PPP1R14C: variants seen among roughly 807,000 people sequenced by gnomAD.
The protein encoded by PPP1R14C is protein phosphatase 1 regulatory inhibitor subunit 14C.
In PPP1R14C, 16 loss-of-function variants were observed where a neutral mutation model predicts 20.4. That is an observed-to-expected ratio of 0.78 (90% CI 0.53 to 1.19). PPP1R14C has a LOEUF of 1.19. Among genes scored for constraint, PPP1R14C ranks in the 50% most tolerant of loss-of-function variants. The pLI, the probability that PPP1R14C is intolerant of heterozygous loss-of-function variation, is 0.00. For missense variants in PPP1R14C, 211 were observed against 220.1 expected (o/e 0.96, Z 0.26); for synonymous variants, 91 against 91.0 (o/e 1.00, Z 0.00).
Position 150,191,519 on chromosome 6 carries a change from G to A in PPP1R14C, c.307-23225G>A, listed in dbSNP as rs145597608. On this transcript the variant is annotated intron_variant, in intron 1 of 3. Coordinates refer to ENST00000361131, the MANE Select transcript of PPP1R14C (RefSeq NM_030949.3). Reference sequence around the variant, plus strand: ...TGTGTGTATGTCTCTCAGAGCATCCGCAGCAGTGTGACAGAGGGCAAGGAC... The same window carrying A: ...TGTGTGTATGTCTCTCAGAGCATCCACAGCAGTGTGACAGAGGGCAAGGAC... Among the ~76,000 whole-genome samples the A allele has an allele frequency of 5.5e-3, 831 of 152,318 alleles. 5 individuals carry two copies. Among genetic ancestry groups the A allele is most frequent in the African/African-American group, 0.018 (734 of 41,562 alleles).
At chr6:150,233,958 G>A (rs182675282) in intron 3 of PPP1R14C, among the ~76,000 whole-genome samples, 7 of 152,262 alleles carry the variant, frequency 4.6e-5, no homozygotes, top group African/African-American at 1.7e-4. Flanking sequence ...GGCAGTTCAC[G>A]TAACACACAC....
intron 3 of PPP1R14C, among the ~76,000 whole-genome samples, chr6:150,223,364 C>A (rs1221799827): frequency 6.6e-6 from 1 of 152,034 alleles, no homozygotes; most frequent in Non-Finnish European, 1.5e-5. Context: ...GGGTAAATAC[C>A]AAGGAGTAGG....
chr6:150,203,606 G>A (rs1322486764), intron 1 of PPP1R14C, among the ~76,000 whole-genome samples: 3 of 152,188 alleles, frequency 2.0e-5, no homozygotes, highest in South Asian at 2.1e-4. Context: ...TCTGGATTTC[G>A]TGTTCTGTGT....
At chr6:150,197,370 C>T (rs1777817904) in intron 1 of PPP1R14C, among the ~76,000 whole-genome samples, 2 of 152,236 alleles carry the variant, frequency 1.3e-5, no homozygotes, top group Admixed American at 6.5e-5. Flanking sequence ...TTACCCACCG[C>T]AGTCACTCCC....
chr6:150,158,078 A>G (rs1165345298), intron 1 of PPP1R14C, among the ~76,000 whole-genome samples: 1 of 152,226 alleles, frequency 6.6e-6, no homozygotes, highest in African/African-American at 2.4e-5. Flanking sequence ...GATTTCAGTC[A>G]TCATACTTGG....
intron 3 of PPP1R14C, among the ~76,000 whole-genome samples, chr6:150,236,036 C>T (rs1778355539): frequency 6.6e-6 from 1 of 152,204 alleles, no homozygotes. Flanking sequence ...AAAGACTTCT[C>T]ACCCCAGGCA....
intron 1 of PPP1R14C, among the ~76,000 whole-genome samples, chr6:150,144,983 A>G (rs1777166121): frequency 6.6e-6 from 1 of 151,984 alleles, no homozygotes. Flanking sequence ...GTTAATTTTC[A>G]TTTATTTCAT....
intron 1 of PPP1R14C, among the ~76,000 whole-genome samples, chr6:150,161,492 C>T (rs899577343): frequency 1.3e-5 from 2 of 152,188 alleles, no homozygotes; most frequent in African/African-American, 4.8e-5. Flanking sequence ...CATTTGATGT[C>T]TTCGATTCTA....
chr6:150,161,303 A>G (rs1234254408), intron 1 of PPP1R14C, among the ~76,000 whole-genome samples: 1 of 152,150 alleles, frequency 6.6e-6, no homozygotes, highest in Non-Finnish European at 1.5e-5. Flanking sequence ...GAAAAAAGAA[A>G]AGAAAAGAAA....
At chr6:150,204,276 C>T (rs139368985) in intron 1 of PPP1R14C, among the ~76,000 whole-genome samples, 1 of 152,348 alleles carries the variant, frequency 6.6e-6, no homozygotes, top group Non-Finnish European at 1.5e-5. Context: ...TTTCTCGTCA[C>T]GGGGGCATTG....
intron 2 of PPP1R14C, among the ~76,000 whole-genome samples, chr6:150,216,567 A>AAT (rs1562272123): frequency 6.6e-6 from 1 of 152,132 alleles, no homozygotes; most frequent in African/African-American, 2.4e-5. Context: ...AGCAAAAAAA[A>AAT]AAAATAAATA....
At chr6:150,247,370 G>C (rs760110577) in intron 3 of PPP1R14C, among the ~76,000 whole-genome samples, 5 of 152,312 alleles carry the variant, frequency 3.3e-5, no homozygotes, top group Non-Finnish European at 7.4e-5. Context: ...CCAGGTAGTT[G>C]TTACCTAATA....
At chr6:150,213,821 T>C (rs1347637126) in intron 1 of PPP1R14C, among the ~76,000 whole-genome samples, 4 of 152,204 alleles carry the variant, frequency 2.6e-5, no homozygotes, top group Admixed American at 2.6e-4. Context: ...TAGAGGTCTT[T>C]GGTGGCAGGA....
At chr6:150,232,586 A>T (rs2114925299) in intron 3 of PPP1R14C, among the ~76,000 whole-genome samples, 1 of 152,166 alleles carries the variant, frequency 6.6e-6, no homozygotes, top group Non-Finnish European at 1.5e-5. Flanking sequence ...AACCCTCTTG[A>T]ATTTGTCTTT....
chr6:150,194,587 T>C (rs1777781540), intron 1 of PPP1R14C: 8 of 978,596 alleles, frequency 8.2e-6, no homozygotes, highest in African/African-American at 1.8e-5. Context: ...AATGATTAAA[T>C]AGTGTTTTAT....
chr6:150,154,768 C>A (rs578230987), intron 1 of PPP1R14C, among the ~76,000 whole-genome samples: 2 of 152,064 alleles, frequency 1.3e-5, no homozygotes, highest in African/African-American at 4.8e-5. Context: ...GGGACTAGAA[C>A]GTAAGGATTA....
At chr6:150,237,747 T>C (rs1189753654) in intron 3 of PPP1R14C, among the ~76,000 whole-genome samples, 2 of 152,068 alleles carry the variant, frequency 1.3e-5, no homozygotes, top group Admixed American at 1.3e-4. Context: ...ATGGAGAAAA[T>C]GATTCATTTC....
At chr6:150,244,326 A>G (rs1778467969) in intron 3 of PPP1R14C, among the ~76,000 whole-genome samples, 2 of 152,268 alleles carry the variant, frequency 1.3e-5, no homozygotes, top group South Asian at 4.1e-4. Context: ...GACTTAGGTG[A>G]GCACCTCTTT....
chr6:150,204,034 C>T (rs190156391), intron 1 of PPP1R14C, among the ~76,000 whole-genome samples: 60 of 152,320 alleles, frequency 3.9e-4, no homozygotes, highest in African/African-American at 1.2e-3. Flanking sequence ...CTCTCCCTTC[C>T]GGGGATCTTC....
Sources: allele counts gnomAD v4.1 joint callset (sites outside exome capture counted in the v4.1 genomes callset), GRCh38; gene constraint gnomAD v4.1.1; transcripts MANE v1.5; gene names NCBI Gene and HGNC (gene_info 2026-07-23, HGNC 2026-07-21).